The following SDCCAG8 variants were observed in gnomAD, a reference collection of about 807,000 sequenced individuals.
SDCCAG8 encodes the protein SHH signaling and ciliogenesis regulator SDCCAG8.
Under a neutral mutation model 101.8 loss-of-function variants are expected in SDCCAG8, and 74 were observed. The ratio of observed to expected loss-of-function variants is 0.73; its 90% CI spans 0.60 to 0.88. The LOEUF (loss-of-function observed/expected upper bound fraction) is 0.88. Among genes scored for constraint, SDCCAG8 ranks in the 40% least tolerant of loss-of-function variants. The pLI, the probability that SDCCAG8 is intolerant of heterozygous loss-of-function variation, is 0.00. For synonymous variants in SDCCAG8, 281 were observed against 292.9 expected, an observed-to-expected ratio of 0.96 and a Z score of 0.41; for missense variants, 787 against 822.6, an observed-to-expected ratio of 0.96 and a Z score of 0.53.
intron 13 of SDCCAG8, among the ~76,000 whole-genome samples, chr1:243,385,478 G>T (rs1487521499): frequency 3.3e-5 from 5 of 152,174 alleles, no homozygotes; most frequent in Non-Finnish European, 7.4e-5. Context: ...TCTAGAAAAG[G>T]ATTACAGGGG....
At chr1:243,475,799 C>T (rs1430994562) in intron 16 of SDCCAG8, 4 of 236,328 alleles carry the variant, frequency 1.7e-5, no homozygotes, top group East Asian at 1.8e-4. Flanking sequence ...ATTCTGTGAA[C>T]GTGTGCTACT....
At chr1:243,263,526 G>A (rs1013105765) in intron 1 of SDCCAG8, among the ~76,000 whole-genome samples, 8 of 152,130 alleles carry the variant, frequency 5.3e-5, no homozygotes, top group African/African-American at 1.9e-4. Context: ...TTTTATCAGT[G>A]GAAAGTGACA....
At chr1:243,446,240 C>T (rs2082893981) in intron 16 of SDCCAG8, among the ~76,000 whole-genome samples, 1 of 152,176 alleles carries the variant, frequency 6.6e-6, no homozygotes, top group African/African-American at 2.4e-5. Flanking sequence ...GAAGAATGTG[C>T]ATTGCATTCT....
chr1:243,492,604 G>GTTTTTTTT (rs74162289), intron 17 of SDCCAG8, among the ~76,000 whole-genome samples: 10 of 58,876 alleles, frequency 1.7e-4, no homozygotes, highest in African/African-American at 4.9e-4. Context: ...GCGCCCAGCT[G>GTTTTTTTT]TTTTTTTTTT....
chr1:243,272,004 G>A (rs1558214055), intron 3 of SDCCAG8, among the ~76,000 whole-genome samples: 3 of 152,152 alleles, frequency 2.0e-5, no homozygotes. Flanking sequence ...TATGCTAAAG[G>A]CTGAGATAGA....
At chr1:243,304,814 G>C in intron 7 of SDCCAG8, 37 bp downstream of exon 7, 1 of 1,157,722 alleles carries the variant, frequency 8.6e-7, no homozygotes, top group Non-Finnish European at 1.3e-6. Context: ...CATACCAAAA[G>C]CATAATGATC....
intron 16 of SDCCAG8, among the ~76,000 whole-genome samples, chr1:243,466,089 T>C (rs1184592991): frequency 6.6e-6 from 1 of 152,224 alleles, no homozygotes; most frequent in African/African-American, 2.4e-5. Flanking sequence ...GAGCTAGTCT[T>C]TGCTCCTGTA....
chr1:243,279,451 A>G (rs2068847406), intron 4 of SDCCAG8, among the ~76,000 whole-genome samples: 1 of 152,266 alleles, frequency 6.6e-6, no homozygotes, highest in Non-Finnish European at 1.5e-5. Flanking sequence ...GCCCAGCATC[A>G]TGAGAGAATA....
intron 5 of SDCCAG8, 28 bp downstream of exon 5, chr1:243,286,425 T>C (rs772538806): frequency 1.9e-6 from 3 of 1,612,302 alleles, no homozygotes; most frequent in East Asian, 4.5e-5. Flanking sequence ...TCATAAATTT[T>C]ATTTTAGTGT....
At chr1:243,261,536 A>ATAGTACTTGT (rs2067191983) in intron 1 of SDCCAG8, among the ~76,000 whole-genome samples, 1 of 152,240 alleles carries the variant, frequency 6.6e-6, no homozygotes, top group Non-Finnish European at 1.5e-5. Context: ...ACATCTATCC[A>ATAGTACTTGT]AATCCTGCAA....
At chr1:243,281,299 C>CTT (rs1186617896) in intron 4 of SDCCAG8, among the ~76,000 whole-genome samples, 3 of 126,254 alleles carry the variant, frequency 2.4e-5, no homozygotes, top group African/African-American at 2.9e-5. Flanking sequence ...TTTGAGATTT[C>CTT]TTTTTTTTTT....
rs1010240258 is a variant in SDCCAG8 at position 243,304,630 on chromosome 1, T to A, written c.676-83T>A. The A allele has an allele frequency of 1.4e-5, 10 of 738,416 alleles. No individual in the cohort carries two copies. In the African/African-American group the frequency reaches 1.8e-4, roughly 13 times the overall value. 45.7% of individuals were successfully genotyped at this position (738,416 alleles called of 1,614,324 possible). A position where few individuals can be genotyped will look rare whatever the true frequency, so the allele number is the denominator to read the frequency against. On this transcript the variant is annotated intron_variant, in intron 6 of 17. Transcript: ENST00000366541. ...CCCACGTTGGGTAAAAAGAAAAAAA[T>A]TGAGTTTAATATTAAAAATTAAAGT...
intron 15 of SDCCAG8, among the ~76,000 whole-genome samples, chr1:243,425,356 G>A (rs1297609041): frequency 2.0e-5 from 3 of 152,104 alleles, no homozygotes; most frequent in Non-Finnish European, 4.4e-5. Context: ...ACAAAATGAA[G>A]AATGAGGTGA....
chr1:243,463,706 G>T (rs1199923601), intron 16 of SDCCAG8, among the ~76,000 whole-genome samples: 1 of 152,160 alleles, frequency 6.6e-6, no homozygotes, highest in Non-Finnish European at 1.5e-5. Context: ...ATATGATTAG[G>T]TTTTTGAGTT....
intron 8 of SDCCAG8, among the ~76,000 whole-genome samples, chr1:243,311,096 A>G (rs571039885): frequency 2.6e-4 from 40 of 152,262 alleles, no homozygotes; most frequent in African/African-American, 9.1e-4. Context: ...AAACTCAAGT[A>G]CATGCATAAT....
intron 13 of SDCCAG8, among the ~76,000 whole-genome samples, chr1:243,398,716 A>G (rs1403635965): frequency 2.0e-5 from 3 of 152,224 alleles, no homozygotes; most frequent in Non-Finnish European, 4.4e-5. Context: ...ATTGAAAGAC[A>G]GTAAAAAGAA....
chr1:243,284,559 T>C (rs1462650345), intron 4 of SDCCAG8, among the ~76,000 whole-genome samples: 1 of 152,164 alleles, frequency 6.6e-6, no homozygotes, highest in Non-Finnish European at 1.5e-5. Context: ...CCCTGCCCTT[T>C]AAGTTAGACG....
At chr1:243,270,393 C>G in intron 2 of SDCCAG8, 136 bp downstream of exon 2, 1 of 963,748 alleles carries the variant, frequency 1.0e-6, no homozygotes, top group Non-Finnish European at 1.6e-6. Context: ...ATTTAATTCC[C>G]TCGCTTAATC....
chr1:243,294,060 G>A (rs2070543554), intron 6 of SDCCAG8, among the ~76,000 whole-genome samples: 1 of 151,940 alleles, frequency 6.6e-6, no homozygotes. Context: ...TTGGCTCTTT[G>A]AGTGTGTTTA....
Sources: gnomAD v4.1 joint callset for allele counts (sites outside exome capture counted in the v4.1 genomes callset) on GRCh38, gnomAD v4.1.1 for gene constraint, MANE v1.5 for transcripts, NCBI Gene and HGNC (gene_info 2026-07-23, HGNC 2026-07-21) for gene names.